Variants in SORCS2 observed in about 807,000 individuals in gnomAD.
SORCS2 encodes the protein VPS10 domain-containing receptor SorCS2.
Under a neutral mutation model 141.6 loss-of-function variants are expected in SORCS2, and 100 were observed. The observed-to-expected ratio is 0.71, with a 90% CI of 0.60 to 0.83. The LOEUF is 0.83. Among genes scored for constraint, SORCS2 ranks in the 40% least tolerant of loss-of-function variants. SORCS2 has a pLI of 0.00. For synonymous variants in SORCS2, 789 were observed against 676.9 expected (o/e 1.17, Z -2.57); for missense variants, 1,646 against 1,560.2 (o/e 1.05, Z -0.93).
rs937241034 is a variant in SORCS2, at chr4:7,663,981, C to T, written c.953-372C>T. ...GCTTAAAATTTGGGGGAAAAGAACC[C>T]TTGAGCCCCACCCGCCCCCATCCCT... is the stretch of plus-strand genomic sequence containing the variant. On this transcript the variant is annotated intron_variant, in intron 6 of 26. Coordinates refer to ENST00000507866, the MANE Select transcript of SORCS2 (RefSeq NM_020777.3). This position sits in a 1 kb window ranked among gnomAD's most constrained non-coding sequence, Gnocchi z 4.8. Among the ~76,000 whole-genome samples the T allele has an allele frequency of 2.0e-5, 3 of 152,162 alleles. No homozygotes were observed. The highest frequency in any genetic ancestry group is 4.4e-5 in the Non-Finnish European group (3 of 68,038).
chr4:7,322,139 G>A (rs1560190975), intron 1 of SORCS2, among the ~76,000 whole-genome samples: 1 of 152,214 alleles, frequency 6.6e-6, no homozygotes, highest in Non-Finnish European at 1.5e-5. Context: ...TAGACCAGAT[G>A]CTGCTTGACC....
chr4:7,716,820 A>ATCT lies in SORCS2; in HGVS notation c.2253-1190_2253-1188dup, dbSNP rs111770585. On this transcript the variant is annotated intron_variant, in intron 17 of 26. Coordinates refer to ENST00000507866, the MANE Select transcript of SORCS2 (RefSeq NM_020777.3). ...TCTTGTCTGAAGTGTCAGAGCCAGG[A>ATCT]TCTTGATCAAGACAAAGGATTTCAT... 4.7e-3 allele frequency among the ~76,000 whole-genome samples: 719 copies of ATCT among 152,380 alleles called. 10 individuals carry two copies. The highest frequency in any genetic ancestry group is 0.016 in the African/African-American group (667 of 41,596).
chr4:7,245,629 C>T (rs868028260), intron 1 of SORCS2, among the ~76,000 whole-genome samples: 4 of 152,180 alleles, frequency 2.6e-5, no homozygotes, highest in South Asian at 2.1e-4. Flanking sequence ...TGTGCACAGA[C>T]GCGAGAGTGT....
chr4:7,270,403 G>A (rs909567815), intron 1 of SORCS2, among the ~76,000 whole-genome samples: 2 of 152,242 alleles, frequency 1.3e-5, no homozygotes, highest in African/African-American at 4.8e-5. Context: ...CCGGCTCCGG[G>A]AAGCCACCTG....
intron 1 of SORCS2, among the ~76,000 whole-genome samples, chr4:7,301,308 C>A (rs1241735811): frequency 6.6e-6 from 1 of 152,218 alleles, no homozygotes; most frequent in East Asian, 1.9e-4. Context: ...CTGCCACTCT[C>A]ATGGAGCCAC....
intron 3 of SORCS2, among the ~76,000 whole-genome samples, chr4:7,571,484 G>A (rs916774315): frequency 6.6e-6 from 1 of 152,118 alleles, no homozygotes; most frequent in African/African-American, 2.4e-5. Context: ...GTGTGGGTGG[G>A]GTAGACTCAG....
At chr4:7,695,483 A>G (rs192201186) in intron 11 of SORCS2, among the ~76,000 whole-genome samples, 725 of 5,038 alleles carry the variant, frequency 0.14, no homozygotes, top group Middle Eastern at 0.33. Context: ...TGGATGGGTG[A>G]GTGGATGGGT....
chr4:7,501,711 C>A (rs377375260), intron 2 of SORCS2, among the ~76,000 whole-genome samples: 4 of 152,216 alleles, frequency 2.6e-5, no homozygotes, highest in African/African-American at 9.6e-5. Flanking sequence ...CTGAAGGAAT[C>A]GGCAGGTGTA....
At chr4:7,290,576 G>T (rs1716533885) in intron 1 of SORCS2, among the ~76,000 whole-genome samples, 1 of 152,190 alleles carries the variant, frequency 6.6e-6, no homozygotes, top group African/African-American at 2.4e-5. Context: ...AAAGGAAAAG[G>T]GTTTGCAGTG....
intron 3 of SORCS2, among the ~76,000 whole-genome samples, chr4:7,626,844 T>TG (rs2108839432): frequency 6.6e-6 from 1 of 152,322 alleles, no homozygotes; most frequent in South Asian, 2.1e-4. Context: ...CAGTCCCTGG[T>TG]GCTCAGTGCC....
intron 23 of SORCS2, 118 bp from the exon 24 acceptor site, chr4:7,733,204 A>AC (rs941143465): frequency 3.7e-5 from 8 of 216,156 alleles, no homozygotes; most frequent in Admixed American, 2.4e-4. Context: ...CTGGTAGAAG[A>AC]CCCCCCCAAC....
chr4:7,393,720 T>A (rs949588078), intron 1 of SORCS2, among the ~76,000 whole-genome samples: 1 of 152,196 alleles, frequency 6.6e-6, no homozygotes, highest in African/African-American at 2.4e-5. Context: ...GTGGCAGGGC[T>A]GAAACCAGTG....
chr4:7,526,919 A>G (rs1244229633), intron 2 of SORCS2, among the ~76,000 whole-genome samples: 2 of 152,280 alleles, frequency 1.3e-5, no homozygotes, highest in Non-Finnish European at 2.9e-5. Flanking sequence ...TGTAATCAAT[A>G]TAAACATTAT....
chr4:7,509,643 T>G (rs1248031437), intron 2 of SORCS2, among the ~76,000 whole-genome samples: 1 of 152,162 alleles, frequency 6.6e-6, no homozygotes, highest in Non-Finnish European at 1.5e-5. Context: ...AGAAGGGGCC[T>G]TGTGGGGCGA....
chr4:7,584,657 G>C (rs1716412399), intron 3 of SORCS2, among the ~76,000 whole-genome samples: 1 of 152,190 alleles, frequency 6.6e-6, no homozygotes, highest in Admixed American at 6.5e-5. Flanking sequence ...AGGAGGTCTT[G>C]CTCCTGCATC....
intron 3 of SORCS2, among the ~76,000 whole-genome samples, chr4:7,595,056 C>T (rs1464846012): frequency 1.3e-5 from 2 of 152,148 alleles, no homozygotes; most frequent in African/African-American, 2.4e-5. Context: ...TGACTGTTCC[C>T]GCTGCAGATG....
intron 8 of SORCS2, among the ~76,000 whole-genome samples, chr4:7,671,934 A>T (rs1722823757): frequency 6.7e-6 from 1 of 148,262 alleles, no homozygotes; most frequent in Non-Finnish European, 1.5e-5. Flanking sequence ...CTGTCAAAAG[A>T]CAGAAACTTT....
chr4:7,543,939 C>CCCATCCATCCAT lies in SORCS2; in HGVS notation c.648+12334_648+12345dup, dbSNP rs1266557291. 8.2e-3 allele frequency among the ~76,000 whole-genome samples: 139 copies of CCCATCCATCCAT among 16,878 alleles called. 9 individuals carry two copies. Among genetic ancestry groups the CCCATCCATCCAT allele is most frequent in the East Asian group, 0.015 (4 of 264 alleles). 11.1% of individuals were successfully genotyped at this position (16,878 alleles called of 152,430 possible). A position where few individuals can be genotyped will look rare whatever the true frequency, so the allele number is the denominator to read the frequency against. On this transcript the variant is annotated intron_variant, in intron 3 of 26. Transcript: ENST00000507866. ...ACCCATCCACCCATCCACCCATCCA[C>CCCATCCATCCAT]CCATCCATCCATCCATCCATCCATC... is the stretch of plus-strand genomic sequence containing the variant.
intron 2 of SORCS2, among the ~76,000 whole-genome samples, chr4:7,411,802 T>C (rs1159300575): frequency 1.3e-5 from 2 of 152,180 alleles, no homozygotes; most frequent in Non-Finnish European, 2.9e-5. Flanking sequence ...TAGACACCCC[T>C]ACTCCATTGG....
Sources: gnomAD v4.1 joint callset for allele counts (sites outside exome capture counted in the v4.1 genomes callset) on GRCh38, gnomAD v4.1.1 for gene constraint, Gnocchi (gnomAD v3.1) non-coding constraint, MANE v1.5 for transcripts, NCBI Gene and HGNC (gene_info 2026-07-23, HGNC 2026-07-21) for gene names.